The following NEK1 variants were observed in gnomAD, a reference collection of about 807,000 sequenced individuals.
NEK1 encodes the protein NIMA related kinase 1.
A neutral mutation model predicts 182.1 loss-of-function variants in NEK1; 137 were observed. That is an observed-to-expected ratio of 0.75 (90% confidence interval 0.65 to 0.87). NEK1 has a LOEUF of 0.87. Among genes scored for constraint, NEK1 ranks in the 40% least tolerant of loss-of-function variants. NEK1 has a pLI of 0.00. For missense variants in NEK1, 1,391 were observed against 1,494.4 expected (o/e 0.93, Z 1.14); for synonymous variants, 513 against 492.2 (o/e 1.04, Z -0.56).
chr4:169,531,408 T>C (rs78215122), intron 19 of NEK1, among the ~76,000 whole-genome samples: 1,830 of 151,918 alleles, frequency 0.012, 32 homozygotes, highest in African/African-American at 0.041. Context: ...GGATGATAAC[T>C]ACAGACGTAT....
At chr4:169,448,993 A>G (rs1451967813) in intron 27 of NEK1, among the ~76,000 whole-genome samples, 1 of 152,238 alleles carries the variant, frequency 6.6e-6, no homozygotes, top group Non-Finnish European at 1.5e-5. Flanking sequence ...CCGGCAGACT[A>G]GGTGATTCTC....
intron 18 of NEK1, among the ~76,000 whole-genome samples, chr4:169,542,582 C>G (rs1344657463): frequency 6.6e-6 from 1 of 152,222 alleles, no homozygotes; most frequent in African/African-American, 2.4e-5. Context: ...GCCACACTGT[C>G]TTCCACAATG....
intron 28 of NEK1, among the ~76,000 whole-genome samples, chr4:169,436,299 G>T (rs1738399483): frequency 6.6e-6 from 1 of 152,220 alleles, no homozygotes; most frequent in South Asian, 2.1e-4. Flanking sequence ...GCAAGGAGCT[G>T]ATGTAAAAGC....
intron 31 of NEK1, among the ~76,000 whole-genome samples, chr4:169,416,403 A>T (rs1192057924): frequency 6.6e-6 from 1 of 152,242 alleles, no homozygotes. Context: ...GTGGTAGATA[A>T]GATTTACAAC....
chr4:169,537,984 C>A, intron 18 of NEK1, 73 bp from the exon 19 acceptor site: 1 of 1,105,972 alleles, frequency 9.0e-7, no homozygotes, highest in African/African-American at 1.6e-5. Flanking sequence ...TTACATTTAT[C>A]CTAAATTTTT....
At chr4:169,559,715 A>G (rs557200127) in intron 16 of NEK1, among the ~76,000 whole-genome samples, 1 of 152,328 alleles carries the variant, frequency 6.6e-6, no homozygotes, top group East Asian at 1.9e-4. Flanking sequence ...TAGTTTGAAG[A>G]TGTATTGACT....
intron 5 of NEK1, among the ~76,000 whole-genome samples, chr4:169,596,871 T>G (rs1164398138): frequency 6.6e-6 from 1 of 152,164 alleles, no homozygotes; most frequent in Admixed American, 6.5e-5. Context: ...AAAATGCTAT[T>G]AACTTAAAAG....
chr4:169,578,749 A>C (rs547401798), intron 11 of NEK1, among the ~76,000 whole-genome samples: 5 of 152,332 alleles, frequency 3.3e-5, no homozygotes, highest in South Asian at 2.1e-4. Flanking sequence ...TTAAAAATAA[A>C]AACAATATAA....
rs991258142 is a variant in NEK1, at chr4:169,574,059, T to C, written c.1020+2869A>G. ...CCTGTGGTTCAGCTACTCAGGAAGT[T>C]GAGGAGGTGGATTGCTTGAGCTCAG... On this transcript the variant is annotated intron_variant, in intron 12 of 35. Transcript: ENST00000507142. Among the ~76,000 whole-genome samples the C allele has an allele frequency of 3.3e-5, 5 of 151,850 alleles. No homozygotes were observed. The East Asian group carries it at 9.7e-4, about 29-fold the overall frequency.
intron 19 of NEK1, among the ~76,000 whole-genome samples, chr4:169,521,647 G>T (rs1233048785): frequency 6.6e-6 from 1 of 152,190 alleles, no homozygotes; most frequent in Non-Finnish European, 1.5e-5. Flanking sequence ...TCCTGCATTT[G>T]AGAGTGTCTT....
Position 169,406,421 on chromosome 4 carries a change from C to T in NEK1, c.3374+175G>A, listed in dbSNP as rs553711051. ...ATAGCCACTGTGTCCAGCCTGTATT[C>T]CAGCTAGGTGACAGAGTGAGACCCT... On this transcript the variant is annotated intron_variant, in intron 32 of 35. Coordinates refer to ENST00000507142, the MANE Select transcript of NEK1 (RefSeq NM_001199397.3). 2.0e-5 allele frequency among the ~76,000 whole-genome samples: 3 copies of T among 149,842 alleles called. No homozygotes were observed. In the South Asian group the frequency reaches 6.3e-4, roughly 32 times the overall value.
intron 12 of NEK1, among the ~76,000 whole-genome samples, chr4:169,562,985 A>G (rs1176450027): frequency 6.6e-6 from 1 of 152,068 alleles, no homozygotes; most frequent in Non-Finnish European, 1.5e-5. Flanking sequence ...TGTTTTCTTC[A>G]TGGATATATA....
chr4:169,589,328 A>C (rs1254399897), intron 7 of NEK1, 119 bp downstream of exon 7: 10 of 683,634 alleles, frequency 1.5e-5, no homozygotes, highest in Non-Finnish European at 2.5e-5. Flanking sequence ...TGTCCCAATA[A>C]AGCAACATCC....
In NEK1 at chr4:169,508,772, T is replaced by C. The variant is rs1446821331; in HGVS notation, c.1746A>G (p.Glu582=). Reference sequence around the variant, plus strand: ...AGCGAACATGCGGGAAGCATACCTCTTCCTCTTTGTTTCTTGGCTTCCCTC... The same window carrying C: ...AGCGAACATGCGGGAAGCATACCTCCTCCTCTTTGTTTCTTGGCTTCCCTC... The part of the protein sequence containing the change: ...SRGGKPRNKE[E]EVYLARLRQI... The change falls in exon 20 of 36, where the codon GAA becomes GAG. Residue 582 remains glutamate, a synonymous_variant. Transcript: ENST00000507142. 1.3e-6 allele frequency: 2 copies of C among 1,577,088 alleles called. 1 individual carries two copies. Among genetic ancestry groups the C allele is most frequent in the East Asian group, 4.5e-5 (2 of 44,438 alleles).
intron 5 of NEK1, among the ~76,000 whole-genome samples, chr4:169,596,180 TA>T (rs1769458217): frequency 6.6e-6 from 1 of 152,078 alleles, no homozygotes; most frequent in Admixed American, 6.5e-5. Flanking sequence ...GAAGAACAAA[TA>T]ATAAGAGTTT....
chr4:169,504,628 G>A (rs375773905), intron 23 of NEK1, among the ~76,000 whole-genome samples: 7 of 152,056 alleles, frequency 4.6e-5, no homozygotes, highest in South Asian at 4.2e-4. Context: ...AAATAAGCCC[G>A]GCACAGAAAG....
At chr4:169,597,943 A>T (rs1769837442) in intron 5 of NEK1, among the ~76,000 whole-genome samples, 1 of 151,814 alleles carries the variant, frequency 6.6e-6, no homozygotes, top group African/African-American at 2.4e-5. Context: ...CAAAAAAAAT[A>T]ATAAAAATAA....
intron 29 of NEK1, among the ~76,000 whole-genome samples, chr4:169,428,549 T>C (rs145792738): frequency 2.0e-5 from 3 of 151,122 alleles, no homozygotes; most frequent in African/African-American, 7.3e-5. Flanking sequence ...AGCAGATTAG[T>C]GGCTGCCAGA....
chr4:169,585,690 G>A (rs1767421792), intron 9 of NEK1, 141 bp from the exon 10 acceptor site: 2 of 548,072 alleles, frequency 3.6e-6, no homozygotes, highest in South Asian at 8.0e-5. Context: ...ATGTTTTCTA[G>A]AGCAAAGTTT....
Sources: allele counts gnomAD v4.1 joint callset (sites outside exome capture counted in the v4.1 genomes callset), GRCh38; gene constraint gnomAD v4.1.1; transcripts MANE v1.5; gene names NCBI Gene and HGNC (gene_info 2026-07-23, HGNC 2026-07-21).